MCM9: variants seen among roughly 807,000 people sequenced by gnomAD.
The protein encoded by MCM9 is DNA helicase MCM9.
A neutral mutation model predicts 72.8 loss-of-function variants in MCM9; 55 were observed. The ratio of observed to expected loss-of-function variants is 0.76; its 90% CI spans 0.61 to 0.95. The LOEUF (loss-of-function observed/expected upper bound fraction) is 0.95. Ranked by LOEUF, MCM9 falls within the 40% of genes least tolerant of loss-of-function variation. MCM9 has a pLI of 0.00. For missense variants in MCM9, 1,279 were observed against 1,377.0 expected (o/e 0.93, Z 1.13); for synonymous variants, 480 against 503.4 (o/e 0.95, Z 0.62).
chr6:118,888,473 T>C (rs570403245), intron 8 of MCM9, among the ~76,000 whole-genome samples: 3 of 151,732 alleles, frequency 2.0e-5, no homozygotes, highest in East Asian at 3.9e-4. Flanking sequence ...GGTGACAGAG[T>C]GAGACTCGTC....
At position 118,932,635 on chromosome 6, in the gene MCM9, C is replaced by T; in HGVS notation, c.-44G>A. ...TAATCAGACTGACAGCCAGTTCTGACATGAATAATTAACAGACTGTCCTTA... is the reference window on the plus strand; with the variant it reads ...TAATCAGACTGACAGCCAGTTCTGATATGAATAATTAACAGACTGTCCTTA... On this transcript the variant is annotated 5_prime_UTR_variant, in exon 2 of 14. An upstream start codon of the reference 5' UTR is lost. Coordinates refer to ENST00000619706, the MANE Select transcript of MCM9 (RefSeq NM_017696.3). The T allele has an allele frequency of 1.0e-6, 1 of 983,894 alleles. No homozygotes were observed. Among genetic ancestry groups the T allele is most frequent in the Non-Finnish European group, 1.2e-6 (1 of 828,498 alleles). 60.9% of individuals were successfully genotyped at this position (983,894 alleles called of 1,614,324 possible). A position where few individuals can be genotyped will look rare whatever the true frequency, so the allele number is the denominator to read the frequency against.
chr6:118,871,888 A>C lies in MCM9; in HGVS notation c.1151-15343T>G, dbSNP rs1777623072. Among the ~76,000 whole-genome samples, 7 of 152,048 alleles carry C rather than the reference A, an allele frequency of 4.6e-5. No homozygotes were observed. The South Asian group carries it at 1.5e-3, about 32-fold the overall frequency. ...CACCACCGAATTCCAGCCTGGCGAC[A>C]GAAGGAGACTCCGTCTCAAAAACAA... is the stretch of plus-strand genomic sequence containing the variant. On this transcript the variant is annotated intron_variant, in intron 8 of 13. Transcript: ENST00000619706.
At chr6:118,924,432 G>C (rs1028691529) in intron 3 of MCM9, among the ~76,000 whole-genome samples, 1 of 151,992 alleles carries the variant, frequency 6.6e-6, no homozygotes, top group African/African-American at 2.4e-5. Flanking sequence ...TCTCACAAGA[G>C]GGCTATCTCA....
At chr6:118,873,275 AAGAAAAGAAG>A (rs1422153556) in intron 8 of MCM9, among the ~76,000 whole-genome samples, 5 of 151,798 alleles carry the variant, frequency 3.3e-5, no homozygotes, top group Non-Finnish European at 7.4e-5. Flanking sequence ...AGAGGAAGAA[AAGAAAAGAAG>A]AGAAAAGAGA....
At chr6:118,916,375 A>G (rs954615928) in intron 6 of MCM9, among the ~76,000 whole-genome samples, 6 of 149,864 alleles carry the variant, frequency 4.0e-5, no homozygotes, top group African/African-American at 1.5e-4. Context: ...CACAAAAAAA[A>G]AAGAAAAAAG....
chr6:118,827,478 T>C (rs963651231), intron 11 of MCM9, among the ~76,000 whole-genome samples: 1 of 152,142 alleles, frequency 6.6e-6, no homozygotes, highest in African/African-American at 2.4e-5. Flanking sequence ...TATGTATATA[T>C]GTAATGGGGC....
In MCM9 at chr6:118,935,067, G is replaced by C. The variant is rs62422268; in HGVS notation, c.-326C>G. On this transcript the variant is annotated 5_prime_UTR_variant, in exon 1 of 14. Transcript: ENST00000619706. ...GGGGACGCGCGGGCTGTGTCGGGCGGCCTAGCGCCTGCGGCTCTGCCGGGC... is the reference window on the plus strand; with the variant it reads ...GGGGACGCGCGGGCTGTGTCGGGCGCCCTAGCGCCTGCGGCTCTGCCGGGC... The C allele has an allele frequency of 0.58, 88,249 of 151,992 alleles. 26,186 individuals carry two copies. The highest frequency in any genetic ancestry group is 0.69 in the East Asian group (3,526 of 5,126). The allele number at this position is 151,992 out of a possible 1,614,324, so 9.4% of individuals were successfully genotyped here.
chr6:118,859,569 C>G (rs1404642633), intron 8 of MCM9, among the ~76,000 whole-genome samples: 1 of 152,038 alleles, frequency 6.6e-6, no homozygotes, highest in African/African-American at 2.4e-5. Flanking sequence ...GAAAAACAGG[C>G]AAGAAAATTT....
At chr6:118,885,853 G>T (rs1380291108) in intron 8 of MCM9, among the ~76,000 whole-genome samples, 1 of 151,986 alleles carries the variant, frequency 6.6e-6, no homozygotes, top group Non-Finnish European at 1.5e-5. Context: ...ATCAGACACA[G>T]ACATCACCAG....
chr6:118,931,835 G>T, intron 2 of MCM9, 97 bp from the exon 3 acceptor site: 1 of 883,530 alleles, frequency 1.1e-6, no homozygotes, highest in South Asian at 1.9e-5. Flanking sequence ...CTGGCTTTGG[G>T]TCATACTATA....
chr6:118,930,688 A>G (rs1344809357), intron 3 of MCM9, among the ~76,000 whole-genome samples: 2 of 152,206 alleles, frequency 1.3e-5, no homozygotes, highest in African/African-American at 2.4e-5. Context: ...TTAGGCGTGT[A>G]GCCTTTAAAT....
At chr6:118,824,726 G>A (rs1020521982) in intron 13 of MCM9, among the ~76,000 whole-genome samples, 7 of 152,152 alleles carry the variant, frequency 4.6e-5, no homozygotes, top group Non-Finnish European at 1.0e-4. Context: ...ATCTCCTTAA[G>A]GAACAGAGAA....
intron 8 of MCM9, among the ~76,000 whole-genome samples, chr6:118,887,124 C>A (rs574610335): frequency 1.1e-3 from 172 of 152,072 alleles, no homozygotes; most frequent in Non-Finnish European, 2.0e-3. Context: ...GGCTTCTTTG[C>A]AGAATTGATA....
In MCM9 at chr6:118,815,188, C is replaced by T. The variant is rs553054296; in HGVS notation, c.3068G>A (p.Gly1023Glu). The change falls in exon 14 of 14, where the codon GGG (glycine) becomes GAG (glutamate). Residue 1023 changes from glycine to glutamate, a missense_variant. Transcript: ENST00000619706. ...AAGATGAGCACACCCAGTCTCGTTC[C>T]CAAGCTCTAATTCAGGCTGAATAAT... ...KRIIQPELEL[G>E]NETGCAHLTC... The T allele has an allele frequency of 1.9e-6, 3 of 1,550,498 alleles. No homozygotes were observed. Among genetic ancestry groups the T allele is most frequent in the Admixed American group, 3.9e-5 (2 of 50,976 alleles).
chr6:118,894,005 T>C, intron 8 of MCM9: 3 of 985,584 alleles, frequency 3.0e-6, no homozygotes, highest in Non-Finnish European at 3.6e-6. Context: ...CGCGCGGGCC[T>C]CCCAGCCCTT....
At position 118,826,848 on chromosome 6, in the gene MCM9, C is replaced by A; in HGVS notation, c.1749G>T (p.Met583Ile). The change falls in exon 12 of 14, where the codon ATG becomes ATT. Residue 583 changes from methionine to isoleucine, a missense_variant. Met to Ile is a conservative substitution (Grantham distance 10). Coordinates refer to ENST00000619706, the MANE Select transcript of MCM9 (RefSeq NM_017696.3). ...CTTCCAGAGTTACAGTATCACGAAA[C>A]ATCAGGCGAGCATGAGCTAAGAAAA... ...IRLAEAHARL[M>I]FRDTVTLEDA... 1 of 1,550,306 alleles carries A rather than the reference C, an allele frequency of 6.5e-7. No homozygotes were observed. Among genetic ancestry groups the A allele is most frequent in the Non-Finnish European group, 8.7e-7 (1 of 1,146,892 alleles).
chr6:118,893,915 C>G, intron 8 of MCM9: 3 of 627,766 alleles, frequency 4.8e-6, no homozygotes, highest in Non-Finnish European at 6.0e-6. Context: ...TCGGCCGGAT[C>G]GCGCCCTCCC....
At chr6:118,876,289 G>T (rs1777926874) in intron 8 of MCM9, among the ~76,000 whole-genome samples, 1 of 152,142 alleles carries the variant, frequency 6.6e-6, no homozygotes, top group Non-Finnish European at 1.5e-5. Flanking sequence ...AAACTATTTT[G>T]TACAATACCA....
intron 8 of MCM9, among the ~76,000 whole-genome samples, chr6:118,857,975 G>A (rs1010327470): frequency 1.3e-5 from 2 of 152,110 alleles, no homozygotes; most frequent in Admixed American, 1.3e-4. Context: ...ATAGAGAAGA[G>A]TAAACACTTC....
Sources: allele counts gnomAD v4.1 joint callset (sites outside exome capture counted in the v4.1 genomes callset), GRCh38; gene constraint gnomAD v4.1.1; transcripts MANE v1.5; gene names NCBI Gene and HGNC (gene_info 2026-07-23, HGNC 2026-07-21).